The following BCR variants were observed in gnomAD, a reference collection of about 807,000 sequenced individuals.
BCR encodes breakpoint cluster region protein.
BCR carries 58 observed loss-of-function variants against 138.6 expected under a neutral mutation model. The observed-to-expected ratio is 0.42, with a 90% CI of 0.34 to 0.52. The LOEUF (loss-of-function observed/expected upper bound fraction) is 0.52. BCR is among the 20% of genes least tolerant of loss of function. The probability of loss-of-function intolerance (pLI) is 0.06; values close to 1 mark genes in which losing one functional copy is unlikely to be tolerated. For missense variants in BCR, 1,599 were observed against 1,727.2 expected (o/e 0.93, Z 1.32); for synonymous variants, 786 against 730.1 (o/e 1.08, Z -1.23).
At chr22:23,229,502 T>TA (rs756415641) in intron 1 of BCR, among the ~76,000 whole-genome samples, 57 of 152,036 alleles carry the variant, frequency 3.7e-4, no homozygotes, top group Non-Finnish European at 7.5e-4. Flanking sequence ...TTTTTTTTTT[T>TA]AAACAGGCAG....
At chr22:23,307,523 T>A (rs2073963143) in intron 16 of BCR, 1 of 150,848 alleles carries the variant, frequency 6.6e-6, no homozygotes, top group Non-Finnish European at 1.5e-5. Context: ...CACTTGAGAG[T>A]TTCCTTTTTA....
At chr22:23,262,942 G>A in intron 4 of BCR, 1 of 1,095,510 alleles carries the variant, frequency 9.1e-7, no homozygotes, top group Non-Finnish European at 1.1e-6. Flanking sequence ...GGAGGCGGAA[G>A]CGTGGAGGAA....
intron 1 of BCR, among the ~76,000 whole-genome samples, chr22:23,252,362 C>G (rs1395725764): frequency 6.6e-6 from 1 of 152,000 alleles, no homozygotes; most frequent in African/African-American, 2.4e-5. Context: ...GTGCAAGGTG[C>G]AAGGACCGTT....
chr22:23,190,832 C>T (rs8142831), intron 1 of BCR, among the ~76,000 whole-genome samples: 4,553 of 152,270 alleles, frequency 0.03, 240 homozygotes, highest in African/African-American at 0.1. Context: ...ACTTCGTGTG[C>T]TGCCATCTCT....
intron 1 of BCR, among the ~76,000 whole-genome samples, chr22:23,236,422 G>A (rs1479431967): frequency 6.6e-6 from 1 of 152,222 alleles, no homozygotes; most frequent in Non-Finnish European, 1.5e-5. Flanking sequence ...GAGGAGAGTG[G>A]TGTGAATCCA....
At chr22:23,205,168 G>T (rs1308597078) in intron 1 of BCR, among the ~76,000 whole-genome samples, 2 of 152,188 alleles carry the variant, frequency 1.3e-5, no homozygotes, top group Non-Finnish European at 2.9e-5. Flanking sequence ...AGCATTCTTA[G>T]TGCCAGTTGG....
chr22:23,280,055 C>T (rs2073625595), intron 8 of BCR, among the ~76,000 whole-genome samples: 1 of 151,304 alleles, frequency 6.6e-6, no homozygotes, highest in Non-Finnish European at 1.5e-5. Flanking sequence ...CACATGGATT[C>T]CACCGCATGA....
chr22:23,199,241 C>T (rs377692512), intron 1 of BCR: 44 of 515,908 alleles, frequency 8.5e-5, no homozygotes, highest in Non-Finnish European at 1.5e-4. Context: ...CTCCAGAAGA[C>T]TCTTCTCTTC....
chr22:23,295,281 G>A, intron 16 of BCR, 126 bp downstream of exon 16: 1 of 1,238,546 alleles, frequency 8.1e-7, no homozygotes, highest in South Asian at 1.5e-5. Context: ...CTGTGGCTCT[G>A]AAACATCCAT....
intron 1 of BCR, among the ~76,000 whole-genome samples, chr22:23,184,762 C>T: frequency 6.6e-6 from 1 of 152,198 alleles, no homozygotes; most frequent in African/African-American, 2.4e-5. Flanking sequence ...TGACACTCTG[C>T]CTAGCAGTTT....
At chr22:23,243,824 G>A (rs1346957073) in intron 1 of BCR, among the ~76,000 whole-genome samples, 2 of 151,938 alleles carry the variant, frequency 1.3e-5, no homozygotes, top group African/African-American at 4.8e-5. Flanking sequence ...TGTGTTTTTA[G>A]TAGAGACGCG....
rs575717573 is a variant in BCR at position 23,203,589 on chromosome 22, G to T, written c.1279+21350G>T. On this transcript the variant is annotated intron_variant, in intron 1 of 22. Coordinates refer to ENST00000305877, the MANE Select transcript of BCR (RefSeq NM_004327.4). The stretch of plus-strand genomic sequence containing the variant: ...AACAGTCCAGCTTTGATAGGGAGGA[G>T]CCCTGAGCTGGGGTCACACTGGTCC... Among the ~76,000 whole-genome samples the T allele has an allele frequency of 2.0e-4, 30 of 152,288 alleles. 1 individual carries two copies. The highest frequency in any genetic ancestry group is 7.2e-4 in the African/African-American group (30 of 41,576).
At chr22:23,261,182 TACCAGTGGAAGAC>T in intron 3 of BCR, 128 bp downstream of exon 3, 3 of 1,207,602 alleles carry the variant, frequency 2.5e-6, no homozygotes, top group Non-Finnish European at 3.6e-6. Context: ...CTGGAGTGGA[TACCAGTGGAAGAC>T]TGAGTTGCCA....
At chr22:23,297,031 T>G (rs533301003) in intron 16 of BCR, among the ~76,000 whole-genome samples, 44 of 152,048 alleles carry the variant, frequency 2.9e-4, no homozygotes, top group South Asian at 8.3e-4. Flanking sequence ...TTGCTTTGGT[T>G]GTTGTTGTTG....
At position 23,181,611 on chromosome 22, in the gene BCR, C is replaced by A; in HGVS notation, c.651C>A (p.His217Gln). The change falls in exon 1 of 23, where the codon CAC becomes CAA. Residue 217 changes from histidine (H) to glutamine (Q), a missense_variant. By Grantham distance (24) the His-to-Gln change is conservative. This residue lies in a region of BCR where 806 missense variants were observed against 635.0 expected (regional missense o/e 1.27). Coordinates refer to ENST00000305877, the MANE Select transcript of BCR (RefSeq NM_004327.4). ...AMQMERKKSQHGAGSSVGDAS... is the reference protein window; with the variant it reads ...AMQMERKKSQQGAGSSVGDAS... ...AGATGGAGCGCAAAAAGTCCCAGCA[C>A]GGCGCGGGCTCGAGCGTGGGGGATG... 6.2e-7 allele frequency: 1 copy of A among 1,612,288 alleles called. No homozygotes were observed.
At chr22:23,299,820 G>A (rs1278151117) in intron 16 of BCR, among the ~76,000 whole-genome samples, 1 of 152,010 alleles carries the variant, frequency 6.6e-6, no homozygotes, top group Non-Finnish European at 1.5e-5. Flanking sequence ...AGTTCCCAGG[G>A]GTGGCTGGGG....
At chr22:23,201,582 T>C (rs5759643) in intron 1 of BCR, among the ~76,000 whole-genome samples, 71,171 of 151,898 alleles carry the variant, frequency 0.47, 19,170 homozygotes, top group East Asian at 0.91. Context: ...CTCCGCCTCC[T>C]GAGTAGCTGG....
chr22:23,206,339 C>T (rs893531012), intron 1 of BCR, among the ~76,000 whole-genome samples: 2 of 152,072 alleles, frequency 1.3e-5, no homozygotes, highest in African/African-American at 4.8e-5. Context: ...CTTTGGGAGG[C>T]CAAGGTGGGC....
At chr22:23,309,842 A>T in intron 17 of BCR, 2 of 364,348 alleles carry the variant, frequency 5.5e-6, no homozygotes, top group Non-Finnish European at 1.0e-5. Flanking sequence ...TGACACACCC[A>T]AAAAGGCCCG....
Sources: gnomAD v4.1 joint callset for allele counts (sites outside exome capture counted in the v4.1 genomes callset) on GRCh38, gnomAD v4.1.1 for gene constraint, gnomAD v4.1.1 regional missense constraint, MANE v1.5 for transcripts, NCBI Gene and HGNC (gene_info 2026-07-23, HGNC 2026-07-21) for gene names.